The following PLXNB1 variants were observed in gnomAD, a reference collection of about 807,000 sequenced individuals.
The protein encoded by PLXNB1 is plexin-B1.
A neutral mutation model predicts 209.4 loss-of-function variants in PLXNB1; 106 were observed. That is an observed-to-expected ratio of 0.51 (90% CI 0.43 to 0.59). The LOEUF is 0.59. Ranked by LOEUF, PLXNB1 falls within the 20% of genes least tolerant of loss-of-function variation. The probability of loss-of-function intolerance (pLI) is 0.00; values close to 1 mark genes in which losing one functional copy is unlikely to be tolerated. For missense variants in PLXNB1, 2,357 were observed against 2,853.2 expected (o/e 0.83, Z 3.96); for synonymous variants, 1,167 against 1,183.2 (o/e 0.99, Z 0.28).
In PLXNB1 at chr3:48,418,971, G is replaced by T. The variant is rs748133142; in HGVS notation, c.2901C>A (p.Val967=). Reference sequence around the variant, plus strand: ...GGGTATCTGGAGGTGGCTCACACTCGACCCGGGCCTCAACCACCACCTCGA... The same window carrying T: ...GGGTATCTGGAGGTGGCTCACACTCTACCCGGGCCTCAACCACCACCTCGA... ...EGLEVVVEAR[V]ECEPPPDTQC... is the part of the protein sequence containing the mutation. Residue 967 remains valine, a synonymous_variant, in exon 13 of 38, where the codon GTC becomes GTA. Transcript: ENST00000296440. The surrounding 1 kb of genome is among the most constrained non-coding windows in gnomAD (Gnocchi z 6.6). The T allele has an allele frequency of 3.7e-6, 6 of 1,613,986 alleles. No homozygotes were observed. Among genetic ancestry groups the T allele is most frequent in the South Asian group, 2.2e-5 (2 of 91,062 alleles).
Position 48,424,007 on chromosome 3 carries a change from T to C in PLXNB1, c.605A>G (p.Glu202Gly). 1 of 1,612,220 alleles carries C rather than the reference T, an allele frequency of 6.2e-7. No individual in the cohort carries two copies. Among genetic ancestry groups the C allele is most frequent in the Non-Finnish European group, 8.5e-7 (1 of 1,179,118 alleles). ...PDPQAAFSYE[E>G]TAKLAVGRLS... ...GCGGCCCACTGCCAGCTTGGCTGTCTCCTCATAGGAGAAGGCAGCTTGGGG... is the reference window on the plus strand; with the variant it reads ...GCGGCCCACTGCCAGCTTGGCTGTCCCCTCATAGGAGAAGGCAGCTTGGGG... The change falls in exon 3 of 38, where the codon GAG (glutamate) becomes GGG (glycine). Residue 202 changes from glutamate to glycine, a missense_variant. Physicochemically the swap from Glu to Gly is moderately conservative, Grantham distance 98. Transcript: ENST00000296440.
rs1418143025 is a variant in PLXNB1 at position 48,429,402 on chromosome 3, G to T, written c.-60+606C>A. ...GGGCGGAAAACTGCGCCCGCTGCCC[G>T]CCCCTCCCGCGCGGCGCTGCCACCG... On this transcript the variant is annotated intron_variant, in intron 1 of 37. Transcript: ENST00000296440. The surrounding 1 kb of genome is among the most constrained non-coding windows in gnomAD (Gnocchi z 6.4). The T allele has an allele frequency of 6.6e-6, 1 of 151,340 alleles. No individual in the cohort carries two copies. Among genetic ancestry groups the T allele is most frequent in the East Asian group, 1.9e-4 (1 of 5,162 alleles). The allele number at this position is 151,340 out of a possible 1,614,324, so 9.4% of individuals were successfully genotyped here. A position where few individuals can be genotyped will look rare whatever the true frequency, so the allele number is the denominator to read the frequency against.
In PLXNB1 at chr3:48,410,296, G is replaced by C. The variant is rs764871884; in HGVS notation, c.5605C>G (p.Arg1869Gly). 8 of 1,605,036 alleles carry C rather than the reference G, an allele frequency of 5.0e-6. No individual in the cohort carries two copies. The South Asian group carries it at 8.9e-5, about 18-fold the overall frequency. ...GGACCGTGATGGGAGCGGTACTCAC[G>C]CTCTCCAGGGACATAATCCTGGTTT... ...RENQDYVPGE[R>G]TPMLEDVDEG... Residue 1869 changes from arginine to glycine, a missense_variant and splice_region_variant, in exon 31 of 38, where the codon CGG becomes GGG. By Grantham distance (125) the Arg-to-Gly change is moderately radical. This residue lies in a region of PLXNB1 where 414 missense variants were observed against 520.5 expected (regional missense o/e 0.80). Transcript: ENST00000296440. The surrounding 1 kb of genome is among the most constrained non-coding windows in gnomAD (Gnocchi z 6.4).
chr3:48,415,937 C>T lies in PLXNB1; in HGVS notation c.3617+94G>A, dbSNP rs942077433. 32 of 1,444,896 alleles carry T rather than the reference C, an allele frequency of 2.2e-5. No individual in the cohort carries two copies. The South Asian group carries it at 4.2e-4, about 19-fold the overall frequency. The allele number at this position is 1,444,896 out of a possible 1,614,324, so 89.5% of individuals were successfully genotyped here. ...CCACTCTCTGAAGGAGCAGACTGGC[C>T]CTCTTCCCCTTTCTGCTCTCCCCAG... On this transcript the variant is annotated intron_variant, in intron 18 of 37. Transcript: ENST00000296440. This position sits in a 1 kb window ranked among gnomAD's most constrained non-coding sequence, Gnocchi z 5.0.
In PLXNB1 at chr3:48,411,867, G is replaced by T. The variant is rs751830368; in HGVS notation, c.5243C>A (p.Pro1748His). ...CACACACTTGCACACCCTCACCAGG[G>T]GACGGTACTCCACATCCTCTCTGAG... ...RLLREDVEYR[P>H]LTLNALLAVG... The change falls in exon 28 of 38, where the codon CCC becomes CAC. Residue 1748 changes from proline to histidine, a missense_variant. Physicochemically the swap from Pro to His is moderately conservative, Grantham distance 77 (BLOSUM62 -2). This residue lies in a region of PLXNB1 where 414 missense variants were observed against 520.5 expected (regional missense o/e 0.80). Transcript: ENST00000296440. The surrounding 1 kb of genome is among the most constrained non-coding windows in gnomAD (Gnocchi z 4.0). The T allele has an allele frequency of 6.2e-7, 1 of 1,613,874 alleles. No homozygotes were observed. Among genetic ancestry groups the T allele is most frequent in the Admixed American group, 1.7e-5 (1 of 59,998 alleles).
chr3:48,424,433 G>T lies in PLXNB1; in HGVS notation c.179C>A (p.Pro60His). 6.3e-7 allele frequency: 1 copy of T among 1,578,816 alleles called. No homozygotes were observed. The highest frequency in any genetic ancestry group is 2.3e-5 in the East Asian group (1 of 42,730). ...CACTGTGGCCTCCAGCTGCAGCCCAGGGCTCAGCTGGAACAGGAAGTTGGT... is the reference window on the plus strand; with the variant it reads ...CACTGTGGCCTCCAGCTGCAGCCCATGGCTCAGCTGGAACAGGAAGTTGGT... Reference protein sequence around the residue: ...GATNFLFQLSPGLQLEATVST... With the variant: ...GATNFLFQLSHGLQLEATVST... Residue 60 changes from proline (P) to histidine (H), a missense_variant, in exon 3 of 38, where the codon CCT becomes CAT. Physicochemically the swap from Pro to His is moderately conservative, Grantham distance 77. Transcript: ENST00000296440.
rs1291780345 is a variant in PLXNB1 at position 48,421,379 on chromosome 3, G to A, written c.1659C>T (p.Phe553=). 4.0e-5 allele frequency: 61 copies of A among 1,528,542 alleles called. No homozygotes were observed. Among genetic ancestry groups the A allele is most frequent in the Non-Finnish European group, 5.3e-5 (60 of 1,135,914 alleles). The allele number at this position is 1,528,542 out of a possible 1,614,324, so 94.7% of individuals were successfully genotyped here. Residue 553 remains phenylalanine (F), a synonymous_variant, in exon 8 of 38, where the codon TTC becomes TTT. Transcript: ENST00000296440. ...GGGGTGGCAGGTCTGGCACTGATAG[G>A]AAAACCTGCCAAGAGAGCCAGGGAC... is the stretch of plus-strand genomic sequence containing the variant. ...NISREETREV[F]LSVPDLPPLW... is the part of the protein sequence containing the mutation.
At position 48,415,954 on chromosome 3, in the gene PLXNB1, T is replaced by A. The variant is rs2038064739; in HGVS notation, c.3617+77A>T. 6.7e-7 allele frequency: 1 copy of A among 1,499,264 alleles called. No homozygotes were observed. Among genetic ancestry groups the A allele is most frequent in the Non-Finnish European group, 9.0e-7 (1 of 1,107,988 alleles). 92.9% of individuals were successfully genotyped at this position (1,499,264 alleles called of 1,614,324 possible). ...AGACTGGCCCTCTTCCCCTTTCTGC[T>A]CTCCCCAGGATCTCAGACCCCTCCA... On this transcript the variant is annotated intron_variant, in intron 18 of 37. Coordinates refer to ENST00000296440, the MANE Select transcript of PLXNB1 (RefSeq NM_001130082.3). This position sits in a 1 kb window ranked among gnomAD's most constrained non-coding sequence, Gnocchi z 5.0.
At chr3:48,407,143 C>T (rs891714998) in intron 34 of PLXNB1, 52 bp from the exon 35 acceptor site, 4 of 1,517,276 alleles carry the variant, frequency 2.6e-6, no homozygotes, top group African/African-American at 1.4e-5. Context: ...GATGAGGGTC[C>T]CTGTTCGAGT....
At position 48,429,104 on chromosome 3, in the gene PLXNB1, T is replaced by G. The variant is rs912014120; in HGVS notation, c.-60+904A>C. 1 of 152,200 alleles carries G rather than the reference T, an allele frequency of 6.6e-6. No individual in the cohort carries two copies. Among genetic ancestry groups the G allele is most frequent in the Non-Finnish European group, 1.5e-5 (1 of 68,044 alleles). The allele number at this position is 152,200 out of a possible 1,614,324, so 9.4% of individuals were successfully genotyped here. A position where few individuals can be genotyped will look rare whatever the true frequency, so the allele number is the denominator to read the frequency against. ...CCAGGCGGAGTCGCCAGAGTTTCCC[T>G]TCGCGCGGAGAAGTGTGGTCCCAAC... On this transcript the variant is annotated intron_variant, in intron 1 of 37. Coordinates refer to ENST00000296440, the MANE Select transcript of PLXNB1 (RefSeq NM_001130082.3). The surrounding 1 kb of genome is among the most constrained non-coding windows in gnomAD (Gnocchi z 6.4).
At position 48,410,667 on chromosome 3, in the gene PLXNB1, T is replaced by G. The variant is rs1006577240; in HGVS notation, c.5417-109A>C. The G allele has an allele frequency of 8.7e-6, 9 of 1,029,154 alleles. No homozygotes were observed. The highest frequency in any genetic ancestry group is 8.8e-6 in the Non-Finnish European group (6 of 681,376). 63.8% of individuals were successfully genotyped at this position (1,029,154 alleles called of 1,614,324 possible). A position where few individuals can be genotyped will look rare whatever the true frequency, so the allele number is the denominator to read the frequency against. ...CAGCCCCTCCATCATGGGGCAGCCT[T>G]ACTCAACCTCTCCAAAGACCAAGAG... On this transcript the variant is annotated intron_variant, in intron 29 of 37. Transcript: ENST00000296440. This position sits in a 1 kb window ranked among gnomAD's most constrained non-coding sequence, Gnocchi z 6.4.
rs1192084756 is a variant in PLXNB1 at position 48,429,023 on chromosome 3, C to CGGCGAGGAGGG, written c.-60+974_-60+984dup. Among the ~76,000 whole-genome samples, 9 of 152,182 alleles carry CGGCGAGGAGGG rather than the reference C, an allele frequency of 5.9e-5. No individual in the cohort carries two copies. Among genetic ancestry groups the CGGCGAGGAGGG allele is most frequent in the Non-Finnish European group, 1.3e-4 (9 of 68,006 alleles). ...GGGGCCGGCCGGTCCCCGGCGGCGACGGCGAGGAGGGGGCGCGGAGGAGCA... is the reference window on the plus strand; with the variant it reads ...GGGGCCGGCCGGTCCCCGGCGGCGACGGCGAGGAGGGGGCGAGGAGGGGGCGCGGAGGAGCA... On this transcript the variant is annotated intron_variant, in intron 1 of 37. Coordinates refer to ENST00000296440, the MANE Select transcript of PLXNB1 (RefSeq NM_001130082.3). The surrounding 1 kb of genome is among the most constrained non-coding windows in gnomAD (Gnocchi z 6.4).
Position 48,410,926 on chromosome 3 carries a change from G to C in PLXNB1, c.5358C>G (p.Asp1786Glu). 6.2e-7 allele frequency: 1 copy of C among 1,613,776 alleles called. No homozygotes were observed. Among genetic ancestry groups the C allele is most frequent in the Non-Finnish European group, 8.5e-7 (1 of 1,179,886 alleles). Residue 1786 changes from aspartate (D) to glutamate (E), a missense_variant, in exon 29 of 38, where the codon GAC (aspartate) becomes GAG (glutamate). Coordinates refer to ENST00000296440, the MANE Select transcript of PLXNB1 (RefSeq NM_001130082.3). The surrounding 1 kb of genome is among the most constrained non-coding windows in gnomAD (Gnocchi z 6.4). ...TISQAKEKMLDQLYKGVPLTQ... is the reference protein window; with the variant it reads ...TISQAKEKMLEQLYKGVPLTQ... ...TGAGAGGCACTCCTTTATAAAGCTG[G>C]TCCAGCATCTTCTCCTTTGCCTGGG...
At position 48,420,207 on chromosome 3, in the gene PLXNB1, G is replaced by A; in HGVS notation, c.2079C>T (p.Ser693=). The A allele has an allele frequency of 5.8e-6, 9 of 1,558,010 alleles. No individual in the cohort carries two copies. Among genetic ancestry groups the A allele is most frequent in the Non-Finnish European group, 7.8e-6 (9 of 1,150,756 alleles). The part of the protein sequence containing the change: ...DPPARGGPSP[S]PPTAPKALAT... ...CCAGGGCTTTGGGGGCTGTGGGTGG[G>A]GAGGGGCTGGGTCCACCTCTTGCAG... The change falls in exon 11 of 38, where the codon TCC becomes TCT. Residue 693 remains serine (S), a synonymous_variant. Coordinates refer to ENST00000296440, the MANE Select transcript of PLXNB1 (RefSeq NM_001130082.3).
chr3:48,410,305 G>C lies in PLXNB1; in HGVS notation c.5596C>G (p.Pro1866Ala). 6.2e-7 allele frequency: 1 copy of C among 1,610,260 alleles called. No individual in the cohort carries two copies. Among genetic ancestry groups the C allele is most frequent in the Non-Finnish European group, 8.5e-7 (1 of 1,177,758 alleles). Residue 1866 changes from proline (P) to alanine (A), a missense_variant, in exon 31 of 38, where the codon CCT becomes GCT. Physicochemically the swap from Pro to Ala is conservative, Grantham distance 27 (BLOSUM62 -1). Coordinates refer to ENST00000296440, the MANE Select transcript of PLXNB1 (RefSeq NM_001130082.3). This position sits in a 1 kb window ranked among gnomAD's most constrained non-coding sequence, Gnocchi z 6.4. ...HVLRENQDYV[P>A]GERTPMLEDV... ...TGGGAGCGGTACTCACGCTCTCCAG[G>C]GACATAATCCTGGTTTTCCCGGAGC...
intron 21 of PLXNB1, 51 bp downstream of exon 21, chr3:48,414,748 C>A: frequency 6.3e-7 from 1 of 1,590,630 alleles, no homozygotes; most frequent in Admixed American, 1.7e-5. Flanking sequence ...CAGTGCTGTC[C>A]AGCCAAGGGA....
In PLXNB1 at chr3:48,412,513, G is replaced by A. The variant is rs768918370; in HGVS notation, c.4962C>T (p.Asp1654=). The change falls in exon 26 of 38, where the codon GAC becomes GAT. Residue 1654 remains aspartate (D), a synonymous_variant. Coordinates refer to ENST00000296440, the MANE Select transcript of PLXNB1 (RefSeq NM_001130082.3). ...GGTCACTGAGCAGAGTGCGGAGGAT[G>A]TCAGTGAAATACTCAAGCTTCCCAT... The part of the protein sequence containing the change: ...ALHGKLEYFT[D]ILRTLLSDLV... The A allele has an allele frequency of 1.2e-6, 2 of 1,613,684 alleles. No homozygotes were observed. The highest frequency in any genetic ancestry group is 1.1e-5 in the South Asian group (1 of 91,088).
rs776342295 is a variant in PLXNB1, at chr3:48,418,430, C to A, written c.3049+19G>T. 3 of 1,613,010 alleles carry A rather than the reference C, an allele frequency of 1.9e-6. No individual in the cohort carries two copies. The African/African-American group carries it at 4.0e-5, about 22-fold the overall frequency. ...AGCCCTGCTACCACCGCCAGCCCAG[C>A]AGCCCGCAGGTGGCTCACCATGCAG... On this transcript the variant is annotated intron_variant, in intron 14 of 37. Transcript: ENST00000296440. The surrounding 1 kb of genome is among the most constrained non-coding windows in gnomAD (Gnocchi z 6.6).
In PLXNB1 at chr3:48,422,476, C is replaced by T; in HGVS notation, c.1291-17G>A. The stretch of plus-strand genomic sequence containing the variant: ...CAAGTAGACCTGGGATCAGAGACCA[C>T]AGGGTCTGGGACCCAAGTCCATGGC... On this transcript the variant is annotated splice_polypyrimidine_tract_variant and intron_variant, in intron 4 of 37. Coordinates refer to ENST00000296440, the MANE Select transcript of PLXNB1 (RefSeq NM_001130082.3). 1 of 1,566,260 alleles carries T rather than the reference C, an allele frequency of 6.4e-7. No individual in the cohort carries two copies. Among genetic ancestry groups the T allele is most frequent in the Non-Finnish European group, 8.6e-7 (1 of 1,157,794 alleles).
Sources: gnomAD v4.1 joint callset for allele counts (sites outside exome capture counted in the v4.1 genomes callset) on GRCh38, gnomAD v4.1.1 for gene constraint, gnomAD v4.1.1 regional missense constraint, Gnocchi (gnomAD v3.1) non-coding constraint, MANE v1.5 for transcripts, NCBI Gene and HGNC (gene_info 2026-07-23, HGNC 2026-07-21) for gene names.